The following TDRD5 variants were observed in gnomAD, a reference collection of about 807,000 sequenced individuals.
TDRD5 encodes tudor domain containing 5, also known as tudor domain-containing protein 5.
Under a neutral mutation model 120.6 loss-of-function variants are expected in TDRD5, and 41 were observed. The ratio of observed to expected loss-of-function variants is 0.34; its 90% CI spans 0.26 to 0.44. TDRD5 has a LOEUF of 0.44. Ranked by LOEUF, TDRD5 falls within the 20% of genes least tolerant of loss-of-function variation. TDRD5 has a pLI of 1.00. For synonymous variants in TDRD5, 430 were observed against 433.7 expected (o/e 0.99, Z 0.11); for missense variants, 1,006 against 1,221.2 (o/e 0.82, Z 2.63).
At chr1:179,667,808 G>A (rs1395189738) in intron 16 of TDRD5, among the ~76,000 whole-genome samples, 1 of 152,042 alleles carries the variant, frequency 6.6e-6, no homozygotes, top group Non-Finnish European at 1.5e-5. Context: ...ATACACACAG[G>A]CATTTATATA....
At chr1:179,612,112 T>C (rs571387462) in intron 4 of TDRD5, among the ~76,000 whole-genome samples, 1 of 152,358 alleles carries the variant, frequency 6.6e-6, no homozygotes, top group Non-Finnish European at 1.5e-5. Flanking sequence ...AAAATTAAAG[T>C]GTAAACTTTT....
intron 4 of TDRD5, among the ~76,000 whole-genome samples, chr1:179,606,339 A>G (rs1675981743): frequency 6.6e-6 from 1 of 151,566 alleles, no homozygotes; most frequent in Non-Finnish European, 1.5e-5. Context: ...TTTGTTTTTA[A>G]TAATAGTCTT....
intron 6 of TDRD5, among the ~76,000 whole-genome samples, chr1:179,625,183 A>G (rs6425581): frequency 0.35 from 52,558 of 150,804 alleles, 9,307 homozygotes; most frequent in Admixed American, 0.42. Context: ...TACAAAAATT[A>G]TTTCAAGATG....
At chr1:179,662,567 C>T (rs28547875) in intron 15 of TDRD5, among the ~76,000 whole-genome samples, 2,611 of 152,022 alleles carry the variant, frequency 0.017, 54 homozygotes, top group African/African-American at 0.059. Context: ...TACATTCCAC[C>T]AGCTTGGGTG....
In TDRD5 at chr1:179,666,230, A is replaced by G. The variant is rs139676078; in HGVS notation, c.2649+2739A>G. Among the ~76,000 whole-genome samples, 66 of 152,310 alleles carry G rather than the reference A, an allele frequency of 4.3e-4. No homozygotes were observed. The East Asian group carries it at 0.012, about 28-fold the overall frequency. ...TGTATCCTTCCTAGAAACTAAACAC[A>G]TACATGAGAACATGATACACATACT... On this transcript the variant is annotated intron_variant, in intron 16 of 17. Transcript: ENST00000444136.
intron 7 of TDRD5, 48 bp downstream of exon 7, chr1:179,630,968 TGAG>T: frequency 6.5e-7 from 1 of 1,538,530 alleles, no homozygotes; most frequent in Non-Finnish European, 8.8e-7. Flanking sequence ...ATTGTCCTTA[TGAG>T]GACAAAGAGA....
chr1:179,649,781 C>T (rs963626979), intron 11 of TDRD5, among the ~76,000 whole-genome samples: 9 of 152,180 alleles, frequency 5.9e-5, no homozygotes, highest in Admixed American at 5.2e-4. Flanking sequence ...TGCCTATGTA[C>T]TGCTCGTTGT....
At chr1:179,621,461 C>T (rs1490595989) in intron 6 of TDRD5, among the ~76,000 whole-genome samples, 2 of 152,050 alleles carry the variant, frequency 1.3e-5, no homozygotes, top group East Asian at 1.9e-4. Context: ...TGAAGGTATG[C>T]ACCCTCAGGG....
chr1:179,639,425 T>C (rs12119649), intron 9 of TDRD5, among the ~76,000 whole-genome samples: 7,685 of 152,230 alleles, frequency 0.05, 263 homozygotes, highest in Middle Eastern at 0.099. Flanking sequence ...GAGAATTGTG[T>C]TTGAGAAACT....
At chr1:179,620,948 TTTG>T in intron 5 of TDRD5, 84 bp from the exon 6 acceptor site, 1 of 1,060,324 alleles carries the variant, frequency 9.4e-7, no homozygotes, top group Non-Finnish European at 1.3e-6. Flanking sequence ...TACTTTTGCC[TTTG>T]TTGTTATTTG....
Position 179,592,697 on chromosome 1 carries a change from C to A in TDRD5, c.82C>A (p.Pro28Thr). ...LLISTKDGLS[P>T]QELEKEYLLM... ...CATTTCCACCAAAGATGGTTTGAGC[C>A]CACAGGAGTTGGAGAAGGAGTACCT... The change falls in exon 2 of 18, where the codon CCA (proline) becomes ACA (threonine). Residue 28 changes from proline to threonine, a missense_variant. Physicochemically the swap from Pro to Thr is conservative, Grantham distance 38. Around this residue, in one of 3 missense-constraint regions of TDRD5, gnomAD observed 445 missense variants for 515.5 expected, o/e 0.86. Coordinates refer to ENST00000444136, the MANE Select transcript of TDRD5 (RefSeq NM_001199085.3). The A allele has an allele frequency of 1.2e-6, 2 of 1,614,046 alleles. No individual in the cohort carries two copies. Among genetic ancestry groups the A allele is most frequent in the African/African-American group, 1.3e-5 (1 of 74,982 alleles).
At chr1:179,615,732 T>C (rs1227217354) in intron 4 of TDRD5, among the ~76,000 whole-genome samples, 1 of 152,052 alleles carries the variant, frequency 6.6e-6, no homozygotes, top group African/African-American at 2.4e-5. Context: ...TCCACTGCAT[T>C]CAGTTTAAAG....
chr1:179,631,770 T>A (rs1048894314), intron 7 of TDRD5, among the ~76,000 whole-genome samples: 1 of 151,816 alleles, frequency 6.6e-6, no homozygotes, highest in Non-Finnish European at 1.5e-5. Context: ...TTATTCTGAT[T>A]TTACCAGTTT....
intron 16 of TDRD5, among the ~76,000 whole-genome samples, chr1:179,668,738 G>GTT (rs1679685787): frequency 1.6e-5 from 2 of 123,602 alleles, no homozygotes; most frequent in Non-Finnish European, 1.7e-5. Context: ...GAGTATCTAG[G>GTT]TTCTTTTTTT....
chr1:179,652,555 G>A (rs1041332456), intron 13 of TDRD5, among the ~76,000 whole-genome samples: 1 of 151,994 alleles, frequency 6.6e-6, no homozygotes, highest in Non-Finnish European at 1.5e-5. Context: ...TAATAATATT[G>A]TAATGTTATT....
chr1:179,649,665 AGTT>A (rs1678605204), intron 11 of TDRD5, among the ~76,000 whole-genome samples: 1 of 152,180 alleles, frequency 6.6e-6, no homozygotes, highest in African/African-American at 2.4e-5. Flanking sequence ...TAGTAAGTTT[AGTT>A]GTTTTATAAT....
chr1:179,660,145 C>T lies in TDRD5; in HGVS notation c.2323-1959C>T, dbSNP rs1004141952. Among the ~76,000 whole-genome samples the T allele has an allele frequency of 1.7e-4, 26 of 151,166 alleles. 1 individual carries two copies. Among genetic ancestry groups the T allele is most frequent in the Middle Eastern group, 3.4e-3 (1 of 290 alleles). On this transcript the variant is annotated intron_variant, in intron 14 of 17. Transcript: ENST00000444136. Reference sequence around the variant, plus strand: ...TGTTCCCCTGATTTTCATTCATCTGCCTCCTCTTTCTTGCCTTCTCTTAGG... The same window carrying T: ...TGTTCCCCTGATTTTCATTCATCTGTCTCCTCTTTCTTGCCTTCTCTTAGG...
intron 17 of TDRD5, among the ~76,000 whole-genome samples, chr1:179,688,310 G>A (rs529290346): frequency 1.3e-5 from 2 of 152,220 alleles, no homozygotes; most frequent in Admixed American, 1.3e-4. Context: ...ATGAAGCTTA[G>A]TTTGGCTGGA....
chr1:179,598,840 C>G (rs954509108), intron 4 of TDRD5, among the ~76,000 whole-genome samples: 1 of 152,048 alleles, frequency 6.6e-6, no homozygotes, highest in African/African-American at 2.4e-5. Flanking sequence ...TTTACTTCCT[C>G]CTTTTCAATC....
Sources: allele counts gnomAD v4.1 joint callset (sites outside exome capture counted in the v4.1 genomes callset), GRCh38; gene constraint gnomAD v4.1.1; regional missense constraint gnomAD v4.1.1; transcripts MANE v1.5; gene names NCBI Gene and HGNC (gene_info 2026-07-23, HGNC 2026-07-21).